PRKACB: variants seen among roughly 807,000 people sequenced by gnomAD.
PRKACB encodes the protein cAMP-dependent protein kinase catalytic subunit beta.
PRKACB carries 16 observed loss-of-function variants against 51.4 expected under a neutral mutation model. The ratio of observed to expected loss-of-function variants is 0.31; its 90% CI spans 0.21 to 0.47. The LOEUF (loss-of-function observed/expected upper bound fraction) is 0.47, where lower values mean the gene tolerates loss of function less well. PRKACB is among the 20% of genes least tolerant of loss of function. PRKACB has a pLI of 1.00. For missense variants in PRKACB, 309 were observed against 464.5 expected, an observed-to-expected ratio of 0.67 and a Z score of 3.08; for synonymous variants, 147 against 154.4, an observed-to-expected ratio of 0.95 and a Z score of 0.35.
chr1:84,138,022 G>A (rs1216941443), intron 1 of PRKACB, among the ~76,000 whole-genome samples: 2 of 152,118 alleles, frequency 1.3e-5, no homozygotes, highest in Non-Finnish European at 2.9e-5. Flanking sequence ...AGAAAAGAGG[G>A]CCTAGAAGCA....
intron 1 of PRKACB, among the ~76,000 whole-genome samples, chr1:84,105,185 A>G (rs1005013991): frequency 6.6e-6 from 1 of 152,192 alleles, no homozygotes; most frequent in Non-Finnish European, 1.5e-5. Context: ...TTTTTTTTCA[A>G]CTGAATCTCT....
intron 1 of PRKACB, chr1:84,164,868 C>CTT (rs1340548890): frequency 7.2e-7 from 1 of 1,379,782 alleles, no homozygotes; most frequent in Non-Finnish European, 9.4e-7. Context: ...AAAGAAAGCT[C>CTT]TTTTCGTTTT....
intron 7 of PRKACB, 86 bp from the exon 8 acceptor site, chr1:84,202,597 T>C: frequency 7.1e-7 from 1 of 1,402,992 alleles, no homozygotes; most frequent in East Asian, 2.4e-5. Flanking sequence ...TTTTATATGC[T>C]TCCAGATCAT....
At chr1:84,132,467 G>A (rs1375870553) in intron 1 of PRKACB, among the ~76,000 whole-genome samples, 1 of 152,022 alleles carries the variant, frequency 6.6e-6, no homozygotes, top group Non-Finnish European at 1.5e-5. Context: ...GCAACATGGT[G>A]AACTTTCAAC....
chr1:84,191,725 G>A (rs1265988947), intron 5 of PRKACB, among the ~76,000 whole-genome samples: 1 of 151,992 alleles, frequency 6.6e-6, no homozygotes, highest in African/African-American at 2.4e-5. Flanking sequence ...TACCCAGTGG[G>A]TGCTATGCTC....
chr1:84,173,306 T>A, intron 1 of PRKACB: 1 of 1,553,076 alleles, frequency 6.4e-7, no homozygotes, highest in Non-Finnish European at 8.8e-7. Flanking sequence ...TTATTTAATC[T>A]CTGTTTATTC....
At chr1:84,136,528 A>G (rs1454614716) in intron 1 of PRKACB, among the ~76,000 whole-genome samples, 1 of 151,442 alleles carries the variant, frequency 6.6e-6, no homozygotes, top group Non-Finnish European at 1.5e-5. Flanking sequence ...ACTCACTCTG[A>G]CTGCCGATTG....
At position 84,236,552 on chromosome 1, in the gene PRKACB, A is replaced by G. The variant is rs1046193353; in HGVS notation, c.*1247A>G. 2 of 152,640 alleles carry G rather than the reference A, an allele frequency of 1.3e-5. No homozygotes were observed. The highest frequency in any genetic ancestry group is 2.4e-5 in the African/African-American group (1 of 41,452). 9.5% of individuals were successfully genotyped at this position (152,640 alleles called of 1,614,324 possible). ...TAATTTTGAGGTATGATATTTTCAG[A>G]TATTTCATAATTTCTAACCTCTGTT... On this transcript the variant is annotated 3_prime_UTR_variant, in exon 10 of 10. Transcript: ENST00000370685.
At chr1:84,181,833 C>T (rs1038779881) in intron 2 of PRKACB, 2 of 737,834 alleles carry the variant, frequency 2.7e-6, no homozygotes, top group Non-Finnish European at 3.9e-6. Flanking sequence ...GTCAGTATGC[C>T]TCTGGTCAGT....
chr1:84,112,395 G>A (rs1279061161), intron 1 of PRKACB, among the ~76,000 whole-genome samples: 1 of 151,804 alleles, frequency 6.6e-6, no homozygotes, highest in African/African-American at 2.4e-5. Context: ...ACAACACCTG[G>A]CTGATTTTTG....
intron 1 of PRKACB, among the ~76,000 whole-genome samples, chr1:84,150,271 C>T (rs908870201): frequency 1.3e-5 from 2 of 152,024 alleles, no homozygotes; most frequent in African/African-American, 4.8e-5. Context: ...GAGTGAGACT[C>T]TATCTCAAAA....
chr1:84,202,544 A>ATTTTAGAATAGCTCAGGACAGAGCT, intron 7 of PRKACB, 139 bp from the exon 8 acceptor site: 1 of 721,374 alleles, frequency 1.4e-6, no homozygotes, highest in Non-Finnish European at 2.1e-6. Flanking sequence ...TTCATTTTTA[A>ATTTTAGAATAGCTCAGGACAGAGCT]ATTCTGTCCT....
chr1:84,238,159 G>A lies in PRKACB; in HGVS notation c.*2854G>A, dbSNP rs557144876. 3.7e-4 allele frequency: 57 copies of A among 152,276 alleles called. 1 individual carries two copies. Among genetic ancestry groups the A allele is most frequent in the African/African-American group, 1.2e-3 (51 of 41,478 alleles). The allele number at this position is 152,276 out of a possible 1,614,324, so 9.4% of individuals were successfully genotyped here. ...ATCAAACTGTCAACCTACCAAAAAC[G>A]ATATTGTGGCTTATGGGTATTGCTG... On this transcript the variant is annotated 3_prime_UTR_variant, in exon 10 of 10. Coordinates refer to ENST00000370685, the MANE Select transcript of PRKACB (RefSeq NM_182948.4).
chr1:84,188,207 A>C (rs1022812467), intron 5 of PRKACB, among the ~76,000 whole-genome samples: 23 of 113,010 alleles, frequency 2.0e-4, no homozygotes, highest in Non-Finnish European at 2.8e-4. Flanking sequence ...ATATTTAAGA[A>C]CTAACAATGT....
chr1:84,201,185 T>C (rs898137524), intron 7 of PRKACB, among the ~76,000 whole-genome samples: 1 of 152,164 alleles, frequency 6.6e-6, no homozygotes, highest in African/African-American at 2.4e-5. Context: ...TAGTGTATTA[T>C]AGTGCCTATT....
intron 1 of PRKACB, among the ~76,000 whole-genome samples, chr1:84,128,590 A>G (rs991896120): frequency 1.3e-5 from 2 of 152,224 alleles, no homozygotes; most frequent in African/African-American, 4.8e-5. Flanking sequence ...TAAATAAATA[A>G]TAGTCATATA....
chr1:84,154,643 C>G (rs1423432974), intron 1 of PRKACB, among the ~76,000 whole-genome samples: 1 of 152,072 alleles, frequency 6.6e-6, no homozygotes, highest in Non-Finnish European at 1.5e-5. Context: ...CCCTGATGAA[C>G]ATAGATGCAA....
chr1:84,126,799 A>T (rs1260663318), intron 1 of PRKACB, among the ~76,000 whole-genome samples: 1 of 152,158 alleles, frequency 6.6e-6, no homozygotes, highest in African/African-American at 2.4e-5. Flanking sequence ...ATTATCTTTT[A>T]TTACTTTTAT....
chr1:84,078,683 A>T (rs978314215), intron 1 of PRKACB, among the ~76,000 whole-genome samples: 2 of 152,206 alleles, frequency 1.3e-5, no homozygotes, highest in Non-Finnish European at 2.9e-5. Context: ...GGTCCGAGGA[A>T]AGAAGTCCCT....
Sources: gnomAD v4.1 joint callset for allele counts (sites outside exome capture counted in the v4.1 genomes callset) on GRCh38, gnomAD v4.1.1 for gene constraint, MANE v1.5 for transcripts, NCBI Gene and HGNC (gene_info 2026-07-23, HGNC 2026-07-21) for gene names.